Variants in MALRD1 observed in about 807,000 individuals in gnomAD.
MALRD1 encodes MAM and LDL receptor class A domain containing 1.
In MALRD1, 247 loss-of-function variants were observed where a neutral mutation model predicts 242.1. That is an observed-to-expected ratio of 1.02 (90% CI 0.92 to 1.13). The LOEUF (loss-of-function observed/expected upper bound fraction) is 1.13. Among genes scored for constraint, MALRD1 ranks in the 50% most tolerant of loss-of-function variants. MALRD1 has a pLI of 0.00. For synonymous variants in MALRD1, 995 were observed against 866.6 expected, an observed-to-expected ratio of 1.15 and a Z score of -2.60; for missense variants, 2,989 against 2,533.1, an observed-to-expected ratio of 1.18 and a Z score of -3.86.
intron 36 of MALRD1, among the ~76,000 whole-genome samples, chr10:19,659,230 C>T (rs1016419737): frequency 6.6e-6 from 1 of 152,068 alleles, no homozygotes; most frequent in African/African-American, 2.4e-5. Flanking sequence ...ATAAAATGAT[C>T]GTTTATGGTA....
At chr10:19,616,521 A>G (rs189075011) in intron 36 of MALRD1, among the ~76,000 whole-genome samples, 124 of 152,148 alleles carry the variant, frequency 8.1e-4, no homozygotes, top group African/African-American at 2.8e-3. Flanking sequence ...GAATTGTGCA[A>G]AACAGTTTCA....
chr10:19,263,192 A>C (rs1839829954), intron 19 of MALRD1, among the ~76,000 whole-genome samples: 1 of 152,132 alleles, frequency 6.6e-6, no homozygotes, highest in Non-Finnish European at 1.5e-5. Context: ...GGATAGTTAC[A>C]TTTTAAATTT....
intron 28 of MALRD1, among the ~76,000 whole-genome samples, chr10:19,427,500 T>C (rs182531489): frequency 5.6e-4 from 86 of 152,322 alleles, no homozygotes; most frequent in African/African-American, 2.0e-3. Context: ...GCTTAAACCA[T>C]GTCTCGCAGA....
intron 26 of MALRD1, among the ~76,000 whole-genome samples, chr10:19,371,110 A>AAT (rs59372850): frequency 2.0e-5 from 3 of 148,876 alleles, no homozygotes; most frequent in African/African-American, 7.4e-5. Context: ...AAAAAAAAAA[A>AAT]GAAAAAGCCA....
chr10:19,047,642 T>C (rs541072776), upstream of MALRD1, among the ~76,000 whole-genome samples: 7 of 152,218 alleles, frequency 4.6e-5, no homozygotes, highest in East Asian at 9.7e-4. Flanking sequence ...AGAATAAATA[T>C]ATGAAACAGG....
chr10:19,269,905 T>A (rs1206964992), intron 19 of MALRD1, among the ~76,000 whole-genome samples: 2 of 152,246 alleles, frequency 1.3e-5, no homozygotes, highest in African/African-American at 4.8e-5. Flanking sequence ...TTGTCTCTAC[T>A]TTTCCTCAGT....
At chr10:19,535,520 T>A (rs1174982487) in intron 32 of MALRD1, among the ~76,000 whole-genome samples, 2 of 149,896 alleles carry the variant, frequency 1.3e-5, no homozygotes, top group Admixed American at 6.7e-5. Context: ...CATATATACA[T>A]GTGTATATGT....
At chr10:19,121,003 C>A (rs997479680) in intron 5 of MALRD1, among the ~76,000 whole-genome samples, 1 of 149,996 alleles carries the variant, frequency 6.7e-6, no homozygotes, top group South Asian at 2.1e-4. Context: ...CTCAGCCTCC[C>A]AAAATGCTGG....
At chr10:19,730,858 C>G in intron 39 of MALRD1, 77 bp downstream of exon 39, 2 of 1,279,920 alleles carry the variant, frequency 1.6e-6, no homozygotes, top group Non-Finnish European at 2.2e-6. Flanking sequence ...ACAGGCTGAA[C>G]CAGTGTTGCT....
At chr10:19,505,846 T>C (rs748414944) in intron 31 of MALRD1, among the ~76,000 whole-genome samples, 9 of 152,102 alleles carry the variant, frequency 5.9e-5, no homozygotes, top group Non-Finnish European at 1.3e-4. Flanking sequence ...CATGAGATAA[T>C]TACAGCCTGA....
At chr10:19,216,643 C>G (rs1430438273) in intron 18 of MALRD1, among the ~76,000 whole-genome samples, 3 of 151,968 alleles carry the variant, frequency 2.0e-5, no homozygotes, top group Non-Finnish European at 2.9e-5. Flanking sequence ...ATCAGTATAA[C>G]AGTAAAGATG....
intron 36 of MALRD1, among the ~76,000 whole-genome samples, chr10:19,672,307 TTAG>T (rs1841958421): frequency 6.6e-6 from 1 of 152,024 alleles, no homozygotes; most frequent in Non-Finnish European, 1.5e-5. Context: ...TACCAGCTCT[TTAG>T]ACTCTTTTAT....
At chr10:19,645,462 A>T (rs1278614875) in intron 36 of MALRD1, among the ~76,000 whole-genome samples, 1 of 152,228 alleles carries the variant, frequency 6.6e-6, no homozygotes, top group African/African-American at 2.4e-5. Flanking sequence ...ACAATAGCAA[A>T]GACTTGGAAC....
At chr10:19,402,230 A>G (rs1846888696) in intron 28 of MALRD1, among the ~76,000 whole-genome samples, 1 of 152,120 alleles carries the variant, frequency 6.6e-6, no homozygotes, top group African/African-American at 2.4e-5. Context: ...CAATCACCAA[A>G]CTTGAGTCCC....
chr10:19,357,877 T>G (rs1844704691), intron 26 of MALRD1, among the ~76,000 whole-genome samples: 1 of 152,002 alleles, frequency 6.6e-6, no homozygotes, highest in Non-Finnish European at 1.5e-5. Flanking sequence ...ATGTATATAT[T>G]TAGGAAGATG....
At position 19,486,208 on chromosome 10, in the gene MALRD1, T is replaced by A. The variant is rs182554983; in HGVS notation, c.5030-5309T>A. ...CTTATCACATTAAATCAAATGTCAA[T>A]CTGCATTTTCAGAACCAAAAGACGT... On this transcript the variant is annotated intron_variant, in intron 29 of 39. Transcript: ENST00000454679. Among the ~76,000 whole-genome samples, 707 of 152,320 alleles carry A rather than the reference T, an allele frequency of 4.6e-3. 3 individuals are homozygous for A. The highest frequency in any genetic ancestry group is 8.1e-3 in the Non-Finnish European group (550 of 68,026).
At chr10:19,530,334 T>TTTATATAAATATATATTTATATA (rs1554793375) in intron 31 of MALRD1, among the ~76,000 whole-genome samples, 4 of 34,610 alleles carry the variant, frequency 1.2e-4, no homozygotes, top group East Asian at 1.4e-3. Flanking sequence ...TATAAATATA[T>TTTATATAAATATATATTTATATA]AATATTTATA....
intron 31 of MALRD1, among the ~76,000 whole-genome samples, chr10:19,516,213 A>T (rs944688262): frequency 6.6e-6 from 1 of 152,180 alleles, no homozygotes; most frequent in East Asian, 1.9e-4. Flanking sequence ...ACTATCCCAG[A>T]TCATGTAAAT....
intron 28 of MALRD1, among the ~76,000 whole-genome samples, chr10:19,418,065 A>T (rs965355949): frequency 2.0e-5 from 3 of 152,024 alleles, no homozygotes; most frequent in African/African-American, 4.8e-5. Context: ...GTCTTGACAA[A>T]TTTTTTTAAT....
Sources: allele counts gnomAD v4.1 joint callset (sites outside exome capture counted in the v4.1 genomes callset), GRCh38; gene constraint gnomAD v4.1.1; transcripts MANE v1.5; gene names NCBI Gene and HGNC (gene_info 2026-07-23, HGNC 2026-07-21).